CZIB: variants seen among roughly 807,000 people sequenced by gnomAD.
The protein encoded by CZIB is UPF0587 protein C1orf123.
CZIB carries 26 observed loss-of-function variants against 28.3 expected under a neutral mutation model. The observed-to-expected ratio is 0.92, with a 90% confidence interval of 0.67 to 1.27. The LOEUF is 1.27. Ranked by LOEUF, CZIB falls within the 50% of genes most tolerant of loss-of-function variation. CZIB has a pLI of 0.00. For missense variants in CZIB, 179 were observed against 197.3 expected, an observed-to-expected ratio of 0.91 and a Z score of 0.56; for synonymous variants, 78 against 71.1, an observed-to-expected ratio of 1.10 and a Z score of -0.49.
chr1:53,218,307 C>T, intron 4 of CZIB, 104 bp from the exon 5 acceptor site: 1 of 1,573,602 alleles, frequency 6.4e-7, no homozygotes, highest in South Asian at 1.1e-5. Flanking sequence ...CAGGTGTCGG[C>T]ATCTTAGGCC....
chr1:53,214,439 G>A lies in CZIB; in HGVS notation c.*220C>T, dbSNP rs529023047. On this transcript the variant is annotated 3_prime_UTR_variant, in exon 8 of 8. Transcript: ENST00000294360. Reference sequence around the variant, plus strand: ...GCACGAATTCTTATTTGTGGAGGGAGTAGCTGCCTCCTTACTTCACCTTCA... The same window carrying A: ...GCACGAATTCTTATTTGTGGAGGGAATAGCTGCCTCCTTACTTCACCTTCA... 2.0e-6 allele frequency: 1 copy of A among 512,616 alleles called. No individual in the cohort carries two copies. The highest frequency in any genetic ancestry group is 3.5e-6 in the Non-Finnish European group (1 of 286,144). The allele number at this position is 512,616 out of a possible 1,614,324, so 31.8% of individuals were successfully genotyped here.
chr1:53,216,837 T>C lies in CZIB; in HGVS notation c.284A>G (p.Lys95Arg). 1 of 1,614,150 alleles carries C rather than the reference T, an allele frequency of 6.2e-7. No individual in the cohort carries two copies. Among genetic ancestry groups the C allele is most frequent in the Non-Finnish European group, 8.5e-7 (1 of 1,179,988 alleles). Residue 95 changes from lysine to arginine, a missense_variant, in exon 6 of 8, where the codon AAG becomes AGG. Coordinates refer to ENST00000294360, the MANE Select transcript of CZIB (RefSeq NM_017887.3). ...PYNAEDNENF[K>R]TIVEFECRGL... Reference sequence around the variant, plus strand: ...CCGGCACTCAAACTCCACTATTGTCTTGAAGTTCTCATTGTCTTCAGCCTA... The same window carrying C: ...CCGGCACTCAAACTCCACTATTGTCCTGAAGTTCTCATTGTCTTCAGCCTA...
chr1:53,218,094 A>G, intron 5 of CZIB, 78 bp downstream of exon 5: 10 of 1,464,368 alleles, frequency 6.8e-6, no homozygotes, highest in Non-Finnish European at 9.5e-6. Flanking sequence ...TGATGCAGGC[A>G]TGACTCTAGA....
chr1:53,215,197 AGG>A (rs1354461088), intron 7 of CZIB, among the ~76,000 whole-genome samples: 6 of 152,064 alleles, frequency 3.9e-5, no homozygotes, highest in Non-Finnish European at 8.8e-5. Flanking sequence ...AAAAATAGCC[AGG>A]AATGGTGGCA....
intron 5 of CZIB, 113 bp downstream of exon 5, chr1:53,218,059 G>T: frequency 8.9e-7 from 1 of 1,125,242 alleles, no homozygotes; most frequent in Non-Finnish European, 1.3e-6. Flanking sequence ...AAGTTCATGA[G>T]TGAATGTCCT....
At chr1:53,219,183 T>G in intron 2 of CZIB, 1 of 458,228 alleles carries the variant, frequency 2.2e-6, no homozygotes. Context: ...GCACCTGTGG[T>G]GCAGAAATGG....
rs748367525 is a variant in CZIB at position 53,216,786 on chromosome 1, G to A, written c.335C>T (p.Pro112Leu). The A allele has an allele frequency of 3.7e-6, 6 of 1,613,812 alleles. No individual in the cohort carries two copies. The highest frequency in any genetic ancestry group is 1.1e-5 in the South Asian group (1 of 91,062). ...CCCAGAAAGATACACACACACCTGC[G>A]GCTGGAAATCAACTGGTTCAAGGCC... ...CRGLEPVDFQ[P>L]QAGFAAEGVE... The change falls in exon 6 of 8, where the codon CCG becomes CTG. Residue 112 changes from proline to leucine, a missense_variant. Physicochemically the swap from Pro to Leu is moderately conservative, Grantham distance 98 (BLOSUM62 -3). Transcript: ENST00000294360.
Position 53,218,603 on chromosome 1 carries a change from AG to A in CZIB, c.148-109del, listed in dbSNP as rs1424136449. The stretch of plus-strand genomic sequence containing the variant: ...CACTTAAAGAGACCAAGACCCAGAA[AG>A]GGTAACTTACTAGGACAAGACTCCT... On this transcript the variant is annotated intron_variant, in intron 3 of 7. Coordinates refer to ENST00000294360, the MANE Select transcript of CZIB (RefSeq NM_017887.3). 2.6e-6 allele frequency: 3 copies of A among 1,153,520 alleles called. No homozygotes were observed. The African/African-American group carries it at 4.6e-5, about 18-fold the overall frequency. The allele number at this position is 1,153,520 out of a possible 1,614,324, so 71.5% of individuals were successfully genotyped here. A position where few individuals can be genotyped will look rare whatever the true frequency, so the allele number is the denominator to read the frequency against.
chr1:53,216,110 A>C (rs17108139), intron 6 of CZIB, 54 bp from the exon 7 acceptor site: 19,218 of 1,574,590 alleles, frequency 0.012, 186 homozygotes, highest in South Asian at 0.035. Flanking sequence ...GCATTGGGCT[A>C]TAAGTAAGGG....
At chr1:53,220,404 G>T in intron 1 of CZIB, 60 bp from the exon 2 acceptor site, 1 of 1,588,962 alleles carries the variant, frequency 6.3e-7, no homozygotes. Flanking sequence ...ACGCCTGCCC[G>T]ACCCTCCCGC....
Position 53,216,843 on chromosome 1 carries a change from T to C in CZIB, c.278A>G (p.Asn93Ser), listed in dbSNP as rs372156036. The change falls in exon 6 of 8, where the codon AAC becomes AGC. Residue 93 changes from asparagine to serine, a missense_variant. Transcript: ENST00000294360. Reference protein sequence around the residue: ...IKPYNAEDNENFKTIVEFECR... With the variant: ...IKPYNAEDNESFKTIVEFECR... The stretch of plus-strand genomic sequence containing the variant: ...CTCAAACTCCACTATTGTCTTGAAG[T>C]TCTCATTGTCTTCAGCCTAGAAAGG... 1 of 1,614,022 alleles carries C rather than the reference T, an allele frequency of 6.2e-7. No individual in the cohort carries two copies. The highest frequency in any genetic ancestry group is 8.5e-7 in the Non-Finnish European group (1 of 1,179,978).
intron 2 of CZIB, chr1:53,219,158 G>A: frequency 1.9e-6 from 1 of 531,136 alleles, no homozygotes; most frequent in East Asian, 3.4e-5. Flanking sequence ...TGCTCAGTGT[G>A]GCCGGGGATT....
At chr1:53,218,652 A>G (rs3736118) in intron 3 of CZIB, 157 bp from the exon 4 acceptor site, 253,616 of 843,858 alleles carry the variant, frequency 0.3, 41,600 homozygotes, top group East Asian at 0.47. Context: ...TGAGGAAAAT[A>G]AAAAAAGGGC....
rs1134688 is a variant in CZIB, at chr1:53,216,027, T to G, written c.369A>C (p.Ser123=). The G allele has an allele frequency of 0.19, 314,262 of 1,613,560 alleles. 33,329 individuals are homozygous for G. The highest frequency in any genetic ancestry group is 0.22 in the Non-Finnish European group (260,590 of 1,179,588). The part of the protein sequence containing the change: ...QAGFAAEGVE[S]GTAFSDINLQ... ...GATTAATGTCACTGAAGGCTGTCCC[T>G]GACTCCACACCTTCAGCAGCAAACC... The change falls in exon 7 of 8, where the codon TCA becomes TCC. Residue 123 remains serine (S), a synonymous_variant. Coordinates refer to ENST00000294360, the MANE Select transcript of CZIB (RefSeq NM_017887.3).
intron 2 of CZIB, 102 bp downstream of exon 2, chr1:53,220,159 T>A: frequency 9.8e-7 from 1 of 1,025,024 alleles, no homozygotes; most frequent in Non-Finnish European, 1.4e-6. Context: ...GAACACTTAA[T>A]GTGCCTGGTT....
chr1:53,218,880 T>A lies in CZIB; in HGVS notation c.134A>T (p.Tyr45Phe), dbSNP rs1245602999. The A allele has an allele frequency of 6.2e-7, 1 of 1,613,712 alleles. No individual in the cohort carries two copies. Among genetic ancestry groups the A allele is most frequent in the Non-Finnish European group, 8.5e-7 (1 of 1,179,718 alleles). Residue 45 changes from tyrosine (Y) to phenylalanine (F), a missense_variant, in exon 3 of 8, where the codon TAC becomes TTC. Transcript: ENST00000294360. ...NCGEISDKWQ[Y>F]IRLMDSVALK... ...GGGAACAGTTACCATCAGCCGGATG[T>A]ACTGCCACTTGTCCGAAATCTCACC...
In CZIB at chr1:53,220,335, G is replaced by A. The variant is rs145395719; in HGVS notation, c.16C>T (p.Leu6=). The part of the protein sequence containing the change: MGKIA[L]QLKATLENIT... ...TTCTCCAGCGTGGCTTTGAGTTGCA[G>A]CGCGATTTTCTGAGGGGGAGGGCCA... Residue 6 remains leucine, a synonymous_variant, in exon 2 of 8, where the codon CTG becomes TTG. Coordinates refer to ENST00000294360, the MANE Select transcript of CZIB (RefSeq NM_017887.3). 9.3e-6 allele frequency: 15 copies of A among 1,612,878 alleles called. No homozygotes were observed. The African/African-American group carries it at 2.0e-4, about 22-fold the overall frequency.
intron 6 of CZIB, 63 bp from the exon 7 acceptor site, chr1:53,216,119 G>A: frequency 1.3e-6 from 2 of 1,491,932 alleles, no homozygotes; most frequent in South Asian, 1.1e-5. Flanking sequence ...TATAAGTAAG[G>A]GCCGGCCAGG....
At chr1:53,219,337 G>A (rs1398474260) in intron 2 of CZIB, 3 of 210,510 alleles carry the variant, frequency 1.4e-5, no homozygotes, top group South Asian at 1.6e-4. Flanking sequence ...CAAATAGCTA[G>A]GATATTAAAT....
Sources: allele counts gnomAD v4.1 joint callset (sites outside exome capture counted in the v4.1 genomes callset), GRCh38; gene constraint gnomAD v4.1.1; transcripts MANE v1.5; gene names NCBI Gene and HGNC (gene_info 2026-07-23, HGNC 2026-07-21).